MUC5AC: variants seen among roughly 807,000 people sequenced by gnomAD.
MUC5AC encodes mucin 5AC, oligomeric mucus/gel-forming.
A neutral mutation model predicts 169.7 loss-of-function variants in MUC5AC; 158 were observed. That is an observed-to-expected ratio of 0.93 (90% CI 0.82 to 1.06). MUC5AC has a LOEUF of 1.06. Among genes scored for constraint, MUC5AC ranks in the 50% least tolerant of loss-of-function variants. The probability of loss-of-function intolerance (pLI) is 0.00; values close to 1 mark genes in which losing one functional copy is unlikely to be tolerated. For missense variants in MUC5AC, 4,359 were observed against 3,089.9 expected, an observed-to-expected ratio of 1.41 and a Z score of -9.74; for synonymous variants, 1,975 against 1,237.0, an observed-to-expected ratio of 1.60 and a Z score of -12.52.
intron 15 of MUC5AC, among the ~76,000 whole-genome samples, chr11:1,170,031 C>G (rs1483536420): frequency 7.0e-5 from 10 of 143,604 alleles, no homozygotes; most frequent in African/African-American, 2.6e-4. Flanking sequence ...CTCACCGACT[C>G]AACCATTCAC....
chr11:1,175,907 ACACACACCCACT>A (rs1860671382), intron 19 of MUC5AC, among the ~76,000 whole-genome samples: 1 of 137,124 alleles, frequency 7.3e-6, no homozygotes. Flanking sequence ...CCACACATGC[ACACACACCCACT>A]CATGCACACA....
Position 1,168,778 on chromosome 11 carries a change from C to A in MUC5AC, c.1704C>A (p.Cys568Ter), listed in dbSNP as rs538300721. The change falls in exon 14 of 49, where the codon TGC becomes TGA. Residue 568 changes from cysteine (C) to a stop codon, truncating the protein, a stop_gained and splice_region_variant. Coordinates refer to ENST00000621226, the MANE Select transcript of MUC5AC (RefSeq NM_001304359.2). LOFTEE classifies it high-confidence loss of function. ...CGCCCAAGCTCCGTGGGCAGACCTGCGGTAAGAGGGCTGCCTTCTGGGCTT... is the reference window on the plus strand; with the variant it reads ...CGCCCAAGCTCCGTGGGCAGACCTGAGGTAAGAGGGCTGCCTTCTGGGCTT... ...QLAPKLRGQT[C>*]GLCGNFNSIQ... The A allele has an allele frequency of 1.3e-6, 2 of 1,597,096 alleles. No individual in the cohort carries two copies. Among genetic ancestry groups the A allele is most frequent in the Non-Finnish European group, 1.7e-6 (2 of 1,168,496 alleles).
chr11:1,159,183 G>C (rs1860050209), intron 1 of MUC5AC, among the ~76,000 whole-genome samples: 1 of 152,140 alleles, frequency 6.6e-6, no homozygotes. Context: ...GGCCCCACTG[G>C]GGCCAGAGGG....
rs1303206559 is a variant in MUC5AC at position 1,191,087 on chromosome 11, C to T, written c.12942C>T (p.Thr4314=). 1 of 709,442 alleles carries T rather than the reference C, an allele frequency of 1.4e-6. No homozygotes were observed. Among genetic ancestry groups the T allele is most frequent in the Non-Finnish European group, 2.6e-6 (1 of 386,694 alleles). 43.9% of individuals were successfully genotyped at this position (709,442 alleles called of 1,614,324 possible). A position where few individuals can be genotyped will look rare whatever the true frequency, so the allele number is the denominator to read the frequency against. ...CCTCTGCTCCTACAACTAGCACAAC[C>T]TCTGGTCCTGGAACTACTCCCAGCC... ...STTSAPTTST[T]SGPGTTPSPV... Residue 4314 remains threonine, a synonymous_variant, in exon 31 of 49, where the codon ACC becomes ACT. Transcript: ENST00000621226.
At chr11:1,161,763 A>G (rs1860146629) in intron 3 of MUC5AC, 144 bp from the exon 4 acceptor site, 1 of 1,342,242 alleles carries the variant, frequency 7.5e-7, no homozygotes. Context: ...TCCCAGATGC[A>G]GGAAGGACCC....
rs1228763674 is a variant in MUC5AC at position 1,180,573 on chromosome 11, C to T, written c.3776+57C>T. ...TGCAGCATGCAGGGGAATTTGACCA[C>T]GGCCTGGGCTTTGGGTGGGGCTGGG... On this transcript the variant is annotated intron_variant, in intron 28 of 48. Coordinates refer to ENST00000621226, the MANE Select transcript of MUC5AC (RefSeq NM_001304359.2). 4.3e-5 allele frequency: 17 copies of T among 398,726 alleles called. 1 individual carries two copies. The highest frequency in any genetic ancestry group is 1.3e-4 in the South Asian group (1 of 7,850). 24.7% of individuals were successfully genotyped at this position (398,726 alleles called of 1,614,324 possible).
chr11:1,195,762 GGCT>G (rs1861255471), intron 36 of MUC5AC, 111 bp from the exon 37 acceptor site: 1 of 622,598 alleles, frequency 1.6e-6, no homozygotes, highest in Non-Finnish European at 2.9e-6. Context: ...ACACACCAGT[GGCT>G]GCTCTGGGAC....
At chr11:1,173,752 CCACTCACTCATCCACT>C (rs1366845888) in intron 16 of MUC5AC, among the ~76,000 whole-genome samples, 20,430 of 138,872 alleles carry the variant, frequency 0.15, 1,656 homozygotes, top group Non-Finnish European at 0.17. Flanking sequence ...ACTCACTCAT[CCACTCACTCATCCACT>C]CACTCACTCA....
chr11:1,195,150 C>T lies in MUC5AC; in HGVS notation c.15329C>T (p.Thr5110Ile). ...TGCCACCGGCCTCACCCGACGCCCACCACGGTCGGGCCCACCACAGTTGGG... is the reference window on the plus strand; with the variant it reads ...TGCCACCGGCCTCACCCGACGCCCATCACGGTCGGGCCCACCACAGTTGGG... ...PACHRPHPTP[T>I]TVGPTTVGST... Residue 5110 changes from threonine to isoleucine, a missense_variant, in exon 36 of 49, where the codon ACC becomes ATC. By Grantham distance (89) the Thr-to-Ile change is moderately conservative. Transcript: ENST00000621226. 1.3e-6 allele frequency: 1 copy of T among 757,114 alleles called. No individual in the cohort carries two copies. The highest frequency in any genetic ancestry group is 2.4e-6 in the Non-Finnish European group (1 of 414,048). 46.9% of individuals were successfully genotyped at this position (757,114 alleles called of 1,614,324 possible).
chr11:1,169,849 C>A (rs1860447371), intron 15 of MUC5AC, among the ~76,000 whole-genome samples: 1 of 139,928 alleles, frequency 7.1e-6, no homozygotes. Flanking sequence ...CACCCACTCA[C>A]CGACTCACCC....
chr11:1,176,128 C>T (rs889988591), intron 19 of MUC5AC, 23 bp from the exon 20 acceptor site: 4 of 398,598 alleles, frequency 1.0e-5, no homozygotes, highest in African/African-American at 8.2e-5. Context: ...TGGCTGGCCC[C>T]CTGACGGCCC....
rs1161859817 is a variant in MUC5AC, at chr11:1,171,942, TTCACTCAC to T, written c.1871-451_1871-444del. Among the ~76,000 whole-genome samples, 485 of 85,720 alleles carry T rather than the reference TTCACTCAC, an allele frequency of 5.7e-3. 1 individual carries two copies. Among genetic ancestry groups the T allele is most frequent in the Non-Finnish European group, 7.1e-3 (286 of 40,372 alleles). The allele number at this position is 85,720 out of a possible 152,430, so 56.2% of individuals were successfully genotyped here. The stretch of plus-strand genomic sequence containing the variant: ...ACTCACTCACTCACTCATCCACTCA[TTCACTCAC>T]TCACTCACTCACTCACTCACTCACT... On this transcript the variant is annotated intron_variant, in intron 15 of 48. Coordinates refer to ENST00000621226, the MANE Select transcript of MUC5AC (RefSeq NM_001304359.2).
At position 1,162,921 on chromosome 11, in the gene MUC5AC, TG is replaced by T. The variant is rs1860187211; in HGVS notation, c.589-30del. The T allele has an allele frequency of 3.2e-6, 5 of 1,572,364 alleles. No homozygotes were observed. In the East Asian group the frequency reaches 1.1e-4, roughly 35 times the overall value. On this transcript the variant is annotated intron_variant, in intron 5 of 48. Coordinates refer to ENST00000621226, the MANE Select transcript of MUC5AC (RefSeq NM_001304359.2). ...GCCTCATCTGTCCATCTGCCCCTGGTGGGGATGGGTGTCTGATGTCTCTCCC... is the reference window on the plus strand; with the variant it reads ...GCCTCATCTGTCCATCTGCCCCTGGTGGGATGGGTGTCTGATGTCTCTCCC...
intron 15 of MUC5AC, among the ~76,000 whole-genome samples, chr11:1,171,935 CCACTCATT>C (rs1243196856): frequency 0.054 from 6,447 of 120,466 alleles, 151 homozygotes; most frequent in African/African-American, 0.079. Context: ...ACTCACTCAT[CCACTCATT>C]CACTCACTCA....
chr11:1,183,837 C>A lies in MUC5AC; in HGVS notation c.5692C>A (p.Pro1898Thr), dbSNP rs1379396838. The A allele has an allele frequency of 0.15, 61,818 of 406,598 alleles. 22 individuals carry two copies. Among genetic ancestry groups the A allele is most frequent in the Non-Finnish European group, 0.18 (41,698 of 233,222 alleles). The allele number at this position is 406,598 out of a possible 1,614,324, so 25.2% of individuals were successfully genotyped here. The change falls in exon 31 of 49, where the codon CCT becomes ACT. Residue 1898 changes from proline (P) to threonine (T), a missense_variant. Physicochemically the swap from Pro to Thr is conservative, Grantham distance 38. Coordinates refer to ENST00000621226, the MANE Select transcript of MUC5AC (RefSeq NM_001304359.2). ...GTCTCTCTCTACAGCCAGGACGACA[C>A]CTGCCCCAGGTACCGCTACCTCTGT... ...TVSLSTARTT[P>T]APGTATSVKK...
chr11:1,179,834 A>G (rs1000525807), intron 26 of MUC5AC, among the ~76,000 whole-genome samples, 188 bp from the exon 27 acceptor site: 6 of 152,070 alleles, frequency 3.9e-5, no homozygotes, highest in Non-Finnish European at 8.8e-5. Context: ...TGGAGACCCC[A>G]CTCTGGTGGC....
intron 28 of MUC5AC, among the ~76,000 whole-genome samples, chr11:1,180,860 A>T (rs958261486): frequency 6.6e-6 from 1 of 151,816 alleles, no homozygotes; most frequent in African/African-American, 2.4e-5. Context: ...CATTAAAATC[A>T]CCCCTGGAAA....
chr11:1,189,901 C>T lies in MUC5AC; in HGVS notation c.11756C>T (p.Pro3919Leu), dbSNP rs1341480712. 1.8e-5 allele frequency: 14 copies of T among 764,974 alleles called. No homozygotes were observed. The highest frequency in any genetic ancestry group is 2.4e-5 in the East Asian group (1 of 41,256). The allele number at this position is 764,974 out of a possible 1,614,324, so 47.4% of individuals were successfully genotyped here. ...SSTTSGSGTT[P>L]SPVPTTSTAS... ...ACAACCTCCGGTTCTGGAACTACTC[C>T]CAGCCCCGTTCCCACCACCAGCACA... The change falls in exon 31 of 49, where the codon CCC becomes CTC. Residue 3919 changes from proline to leucine, a missense_variant. By Grantham distance (98) the Pro-to-Leu change is moderately conservative. Coordinates refer to ENST00000621226, the MANE Select transcript of MUC5AC (RefSeq NM_001304359.2).
At position 1,161,602 on chromosome 11, in the gene MUC5AC, A is replaced by T; in HGVS notation, c.211+16A>T. 6.2e-7 allele frequency: 1 copy of T among 1,606,264 alleles called. No homozygotes were observed. Among genetic ancestry groups the T allele is most frequent in the Non-Finnish European group, 8.5e-7 (1 of 1,176,098 alleles). On this transcript the variant is annotated intron_variant, in intron 3 of 48. Transcript: ENST00000621226. ...GTGGTACGAGGTGAGTGGAGCCCGG[A>T]GGCCTGGGTGGGGAAGGGTCATAGC...
Sources: gnomAD v4.1 joint callset for allele counts (sites outside exome capture counted in the v4.1 genomes callset) on GRCh38, gnomAD v4.1.1 for gene constraint, MANE v1.5 for transcripts, NCBI Gene and HGNC (gene_info 2026-07-23, HGNC 2026-07-21) for gene names.